Variants in ASTN1 observed in about 807,000 individuals in gnomAD.
ASTN1 encodes astrotactin 1.
ASTN1 carries 41 observed loss-of-function variants against 140.7 expected under a neutral mutation model. The observed-to-expected ratio is 0.29, with a 90% confidence interval of 0.23 to 0.38. The LOEUF is 0.38. Ranked by LOEUF, ASTN1 falls within the 10% of genes least tolerant of loss-of-function variation. The pLI is 1.00. For missense variants in ASTN1, 1,479 were observed against 1,678.8 expected (o/e 0.88, Z 2.08); for synonymous variants, 640 against 652.2 (o/e 0.98, Z 0.29).
At chr1:177,067,932 C>T (rs1486117679) in intron 1 of ASTN1, among the ~76,000 whole-genome samples, 2 of 152,082 alleles carry the variant, frequency 1.3e-5, no homozygotes, top group South Asian at 2.1e-4. Context: ...CCATGCCTCT[C>T]GCCATAGGGA....
chr1:176,882,304 T>G (rs1405402166), intron 20 of ASTN1, among the ~76,000 whole-genome samples: 1 of 152,240 alleles, frequency 6.6e-6, no homozygotes, highest in Non-Finnish European at 1.5e-5. Context: ...CAAAAATGAC[T>G]CCTTGGACTT....
intron 14 of ASTN1, among the ~76,000 whole-genome samples, chr1:176,942,859 T>TATATATATATATATATATATAC (rs1557978139): frequency 2.9e-5 from 3 of 104,140 alleles, no homozygotes; most frequent in Non-Finnish European, 2.0e-5. Context: ...TATATATATA[T>TATATATATATATATATATATAC]ATATATAGAT....
At chr1:176,933,950 A>G (rs1052228631) in intron 16 of ASTN1, among the ~76,000 whole-genome samples, 3 of 152,230 alleles carry the variant, frequency 2.0e-5, no homozygotes, top group East Asian at 1.9e-4. Flanking sequence ...CCCATTCTGC[A>G]TCTAAAATTC....
At chr1:176,883,724 T>C in intron 19 of ASTN1, among the ~76,000 whole-genome samples, 2 of 152,214 alleles carry the variant, frequency 1.3e-5, no homozygotes, top group East Asian at 3.9e-4. Context: ...ATCCTGCTGG[T>C]GACCACATCC....
chr1:177,154,513 G>GT (rs1490558146), intron 1 of ASTN1, among the ~76,000 whole-genome samples: 1 of 152,144 alleles, frequency 6.6e-6, no homozygotes, highest in Non-Finnish European at 1.5e-5. Flanking sequence ...CTATTGGACA[G>GT]TGCTAGGCTA....
At chr1:177,104,427 C>T (rs967498191) in intron 1 of ASTN1, among the ~76,000 whole-genome samples, 14 of 151,958 alleles carry the variant, frequency 9.2e-5, no homozygotes, top group Admixed American at 9.2e-4. Context: ...AAAAAAAGTC[C>T]CTTAATAATT....
chr1:176,934,048 A>T, intron 16 of ASTN1, 104 bp downstream of exon 16: 1 of 1,233,640 alleles, frequency 8.1e-7, no homozygotes, highest in South Asian at 2.0e-5. Flanking sequence ...GGAAAATCTG[A>T]TTGAGTCGTT....
rs114043084 is a variant in ASTN1, at chr1:176,910,885, C to T, written c.2672-16055G>A. On this transcript the variant is annotated intron_variant, in intron 16 of 22. Transcript: ENST00000361833. ...GCAACTCTATTGTGAACTGCACATG[C>T]AAGGGATCTAGTTGTGTGCTTCTTA... Among the ~76,000 whole-genome samples the T allele has an allele frequency of 6.0e-3, 916 of 152,302 alleles. 9 individuals carry two copies. Among genetic ancestry groups the T allele is most frequent in the African/African-American group, 0.021 (866 of 41,556 alleles).
intron 1 of ASTN1, among the ~76,000 whole-genome samples, chr1:177,152,145 T>G (rs1262905742): frequency 6.6e-6 from 1 of 151,692 alleles, no homozygotes; most frequent in Non-Finnish European, 1.5e-5. Flanking sequence ...CCAGGGAGAG[T>G]AGGACAATCC....
At chr1:177,017,349 T>C (rs1268113505) in intron 7 of ASTN1, among the ~76,000 whole-genome samples, 1 of 152,176 alleles carries the variant, frequency 6.6e-6, no homozygotes, top group East Asian at 1.9e-4. Flanking sequence ...TCTCACAGGA[T>C]CCTTATTTCT....
At chr1:177,074,542 T>G (rs1200055919) in intron 1 of ASTN1, among the ~76,000 whole-genome samples, 3 of 152,194 alleles carry the variant, frequency 2.0e-5, no homozygotes, top group Non-Finnish European at 2.9e-5. Context: ...CCTTCACAAC[T>G]GTAATCCCTT....
At chr1:177,140,652 T>C (rs993745707) in intron 1 of ASTN1, among the ~76,000 whole-genome samples, 1 of 152,204 alleles carries the variant, frequency 6.6e-6, no homozygotes, top group African/African-American at 2.4e-5. Flanking sequence ...TACTATCTAT[T>C]CTCTATAAGG....
At chr1:177,033,453 A>G (rs1055880596) in intron 2 of ASTN1, among the ~76,000 whole-genome samples, 4 of 152,208 alleles carry the variant, frequency 2.6e-5, no homozygotes, top group Middle Eastern at 3.2e-3. Context: ...GCCTAGCATA[A>G]TATATCTCAC....
At chr1:176,883,951 G>T (rs1352174012) in intron 19 of ASTN1, among the ~76,000 whole-genome samples, 3 of 152,214 alleles carry the variant, frequency 2.0e-5, no homozygotes, top group East Asian at 1.9e-4. Flanking sequence ...ATTAGCAAAG[G>T]AATTTTTTTT....
intron 1 of ASTN1, among the ~76,000 whole-genome samples, chr1:177,116,897 T>C (rs1018037780): frequency 2.6e-5 from 4 of 152,162 alleles, no homozygotes; most frequent in African/African-American, 9.7e-5. Context: ...TTTGTGAACC[T>C]TGCTTTCCAC....
rs191748620 is a variant in ASTN1, at chr1:176,938,867, A to T, written c.2378-2497T>A. Among the ~76,000 whole-genome samples the T allele has an allele frequency of 7.2e-3, 1,095 of 152,278 alleles. 11 individuals are homozygous for T. Among genetic ancestry groups the T allele is most frequent in the African/African-American group, 0.023 (940 of 41,546 alleles). The stretch of plus-strand genomic sequence containing the variant: ...GGTGGCTCATGCCTATAATCCCAGT[A>T]CTTTGGGAGGCCGAGGCAGGCAGAT... On this transcript the variant is annotated intron_variant, in intron 14 of 22. Coordinates refer to ENST00000361833, the MANE Select transcript of ASTN1 (RefSeq NM_004319.3).
chr1:176,863,974 T>C lies in ASTN1; in HGVS notation c.*310A>G. 8.8e-7 allele frequency: 1 copy of C among 1,137,430 alleles called. No individual in the cohort carries two copies. Among genetic ancestry groups the C allele is most frequent in the Non-Finnish European group, 1.1e-6 (1 of 922,208 alleles). 70.5% of individuals were successfully genotyped at this position (1,137,430 alleles called of 1,614,324 possible). A position where few individuals can be genotyped will look rare whatever the true frequency, so the allele number is the denominator to read the frequency against. ...GGGAGCACGGCAGAGCTCTTGAGCA[T>C]TTTGGTAAACTTCTCAGGGAAAAAA... On this transcript the variant is annotated 3_prime_UTR_variant, in exon 23 of 23. Transcript: ENST00000361833.
chr1:177,155,882 T>C (rs968358702), intron 1 of ASTN1, among the ~76,000 whole-genome samples: 1 of 152,172 alleles, frequency 6.6e-6, no homozygotes, highest in African/African-American at 2.4e-5. Context: ...ATTTCCTTGC[T>C]CTGTCAGCTG....
At chr1:177,059,902 T>C (rs1000026233) in intron 2 of ASTN1, among the ~76,000 whole-genome samples, 5 of 152,218 alleles carry the variant, frequency 3.3e-5, no homozygotes, top group Admixed American at 3.3e-4. Context: ...CCCATATACA[T>C]GGCTTATAAA....
Sources: allele counts gnomAD v4.1 joint callset (sites outside exome capture counted in the v4.1 genomes callset), GRCh38; gene constraint gnomAD v4.1.1; transcripts MANE v1.5; gene names NCBI Gene and HGNC (gene_info 2026-07-23, HGNC 2026-07-21).